LRRC7: variants seen among roughly 807,000 people sequenced by gnomAD.
LRRC7 encodes the protein leucine-rich repeat-containing protein 7.
LRRC7 carries 23 observed loss-of-function variants against 175.7 expected under a neutral mutation model. That is an observed-to-expected ratio of 0.13 (90% confidence interval 0.09 to 0.19). The LOEUF is 0.19. Among genes scored for constraint, LRRC7 ranks in the 10% least tolerant of loss-of-function variants. LRRC7 has a pLI of 1.00. For missense variants in LRRC7, 1,354 were observed against 1,904.7 expected, an observed-to-expected ratio of 0.71 and a Z score of 5.38; for synonymous variants, 685 against 680.9, an observed-to-expected ratio of 1.01 and a Z score of -0.09.
chr1:69,886,822 A>G (rs1330379591), intron 7 of LRRC7, among the ~76,000 whole-genome samples: 3 of 150,310 alleles, frequency 2.0e-5, no homozygotes, highest in Non-Finnish European at 4.5e-5. Flanking sequence ...GGTGGTGACA[A>G]AATCTCTCAG....
chr1:69,953,403 C>G (rs528360530), intron 8 of LRRC7, among the ~76,000 whole-genome samples: 18 of 152,102 alleles, frequency 1.2e-4, no homozygotes, highest in South Asian at 4.1e-4. Flanking sequence ...CTAAACTCCT[C>G]TACAAAGAGA....
At chr1:69,647,105 A>G (rs1254797224) in intron 1 of LRRC7, among the ~76,000 whole-genome samples, 1 of 152,180 alleles carries the variant, frequency 6.6e-6, no homozygotes, top group African/African-American at 2.4e-5. Flanking sequence ...GATTCCTGCT[A>G]TTAATGCCAA....
intron 25 of LRRC7, among the ~76,000 whole-genome samples, chr1:70,097,478 T>C (rs572319991): frequency 1.3e-5 from 2 of 152,220 alleles, no homozygotes; most frequent in Non-Finnish European, 2.9e-5. Flanking sequence ...TTTTTTATTG[T>C]ACTTTAAGTT....
chr1:69,906,988 T>G (rs1163703828), intron 7 of LRRC7, among the ~76,000 whole-genome samples: 3 of 152,052 alleles, frequency 2.0e-5, no homozygotes, highest in Non-Finnish European at 4.4e-5. Flanking sequence ...CCCTTGTAAG[T>G]TGGATTCCTA....
intron 1 of LRRC7, among the ~76,000 whole-genome samples, chr1:69,637,701 T>A (rs1653609385): frequency 6.6e-6 from 1 of 151,982 alleles, no homozygotes. Context: ...TTCTGTTAAA[T>A]AGCTTTACCT....
intron 11 of LRRC7, among the ~76,000 whole-genome samples, chr1:70,008,765 CTGTCTA>C (rs1220565325): frequency 6.6e-6 from 1 of 152,182 alleles, no homozygotes; most frequent in East Asian, 1.9e-4. Context: ...TCTATAGTAT[CTGTCTA>C]CTGCTGAGAG....
chr1:69,646,964 C>CAGTTAGGAAACACTCTTTT, intron 1 of LRRC7, among the ~76,000 whole-genome samples: 1 of 151,982 alleles, frequency 6.6e-6, no homozygotes, highest in Non-Finnish European at 1.5e-5. Context: ...CATATCAGAG[C>CAGTTAGGAAACACTCTTTT]TGGCCTACGT....
At chr1:70,049,646 C>T (rs576793570) in intron 22 of LRRC7, among the ~76,000 whole-genome samples, 7 of 152,034 alleles carry the variant, frequency 4.6e-5, no homozygotes, top group Admixed American at 2.0e-4. Context: ...TGTGGAATTT[C>T]GTTATAATGG....
chr1:69,715,213 A>T (rs1013699939), intron 2 of LRRC7, among the ~76,000 whole-genome samples: 1 of 152,156 alleles, frequency 6.6e-6, no homozygotes, highest in African/African-American at 2.4e-5. Context: ...GACTTTTAAG[A>T]CATACCAGGC....
Position 69,913,485 on chromosome 1 carries a change from A to G in LRRC7, c.648-18022A>G, listed in dbSNP as rs1462717447. 2.6e-5 allele frequency among the ~76,000 whole-genome samples: 4 copies of G among 152,280 alleles called. No individual in the cohort carries two copies. In the East Asian group the frequency reaches 5.8e-4, roughly 22 times the overall value. ...TAACAACAATAAGTTACATATTCTCATAATGAGGTGTTCCAGAAGTTTCCT... is the reference window on the plus strand; with the variant it reads ...TAACAACAATAAGTTACATATTCTCGTAATGAGGTGTTCCAGAAGTTTCCT... On this transcript the variant is annotated intron_variant, in intron 7 of 26. Transcript: ENST00000651989.
At position 70,125,225 on chromosome 1, in the gene LRRC7, A is replaced by G. The variant is rs1571389656; in HGVS notation, c.*3338A>G. On this transcript the variant is annotated 3_prime_UTR_variant, in exon 27 of 27. Transcript: ENST00000651989. ...ATCTCCATTACTTAGAATTGTAATT[A>G]TTAGGTTGCTGAAAAAGTAATTGCG... 6.6e-6 allele frequency among the ~76,000 whole-genome samples: 1 copy of G among 152,252 alleles called. No individual in the cohort carries two copies. The highest frequency in any genetic ancestry group is 1.9e-4 in the East Asian group (1 of 5,198).
intron 23 of LRRC7, among the ~76,000 whole-genome samples, chr1:70,054,533 G>A (rs114084161): frequency 0.023 from 3,343 of 145,636 alleles, 81 homozygotes; most frequent in Admixed American, 0.082. Context: ...ATTATTGCTG[G>A]AACTGTTCTA....
chr1:69,575,018 G>C (rs1645889383), intron 1 of LRRC7, among the ~76,000 whole-genome samples: 1 of 152,106 alleles, frequency 6.6e-6, no homozygotes, highest in South Asian at 2.1e-4. Flanking sequence ...ACATACAGCT[G>C]TAATTGTTCT....
rs577421610 is a variant in LRRC7 at position 69,901,325 on chromosome 1, G to GA, written c.648-30176dup. ...TTGTAACTAATTGGAGAATGACAGA[G>GA]AAAAAAGTTTAGAATAGCTTCCATG... On this transcript the variant is annotated intron_variant, in intron 7 of 26. Coordinates refer to ENST00000651989, the MANE Select transcript of LRRC7 (RefSeq NM_001370785.2). 2.8e-3 allele frequency among the ~76,000 whole-genome samples: 426 copies of GA among 152,248 alleles called. 1 individual carries two copies. Among genetic ancestry groups the GA allele is most frequent in the African/African-American group, 9.2e-3 (381 of 41,552 alleles).
At chr1:69,864,139 C>G (rs1684654375) in intron 7 of LRRC7, among the ~76,000 whole-genome samples, 1 of 152,158 alleles carries the variant, frequency 6.6e-6, no homozygotes, top group Admixed American at 6.5e-5. Flanking sequence ...TCTGCCATCC[C>G]TCTTATGTGC....
At chr1:69,888,136 TGGGCTCCACCCA>T (rs1202958336) in intron 7 of LRRC7, among the ~76,000 whole-genome samples, 2 of 142,802 alleles carry the variant, frequency 1.4e-5, no homozygotes, top group African/African-American at 2.6e-5. Context: ...TGAGCTGTGG[TGGGCTCCACCCA>T]GTTTGAGCTT....
intron 22 of LRRC7, 133 bp downstream of exon 22, chr1:70,044,227 A>G: frequency 1.3e-6 from 1 of 758,810 alleles, no homozygotes; most frequent in Non-Finnish European, 2.0e-6. Flanking sequence ...CACAAGGGCA[A>G]GTAATGTAGA....
rs557871103 is a variant in LRRC7 at position 69,773,564 on chromosome 1, T to C, written c.303+13171T>C. Among the ~76,000 whole-genome samples the C allele has an allele frequency of 2.0e-5, 3 of 152,300 alleles. No homozygotes were observed. The South Asian group carries it at 6.2e-4, about 32-fold the overall frequency. On this transcript the variant is annotated intron_variant, in intron 3 of 26. Coordinates refer to ENST00000651989, the MANE Select transcript of LRRC7 (RefSeq NM_001370785.2). The stretch of plus-strand genomic sequence containing the variant: ...AAATGTATAAATTAACTGTATTTTA[T>C]AAAGTTTCTTTTAAAGTGGTGGGTA...
At chr1:69,702,617 A>G (rs1663503821) in intron 2 of LRRC7, among the ~76,000 whole-genome samples, 1 of 152,152 alleles carries the variant, frequency 6.6e-6, no homozygotes, top group African/African-American at 2.4e-5. Context: ...TAACTTTTTA[A>G]TTCTTGACAT....
Sources: allele counts gnomAD v4.1 joint callset (sites outside exome capture counted in the v4.1 genomes callset), GRCh38; gene constraint gnomAD v4.1.1; transcripts MANE v1.5; gene names NCBI Gene and HGNC (gene_info 2026-07-23, HGNC 2026-07-21).